PHB1: variants seen among roughly 807,000 people sequenced by gnomAD.
The protein encoded by PHB1 is prohibitin 1.
chr17:49,404,701 G>C, the PHB1 span: 3 of 446,104 alleles, frequency 6.7e-6, no homozygotes, highest in South Asian at 6.3e-5. Context: ...CTGGTGCCCA[G>C]GCCGGAACTC....
chr17:49,411,379 GGA>G, the PHB1 span, among the ~76,000 whole-genome samples: 1 of 151,860 alleles, frequency 6.6e-6, no homozygotes, highest in Non-Finnish European at 1.5e-5. Flanking sequence ...TGTATTTTTA[GGA>G]GAGATGGGGT....
At chr17:49,410,990 T>C in the PHB1 span, among the ~76,000 whole-genome samples, 2 of 152,158 alleles carry the variant, frequency 1.3e-5, no homozygotes, top group African/African-American at 2.4e-5. Context: ...CACGGCTTGC[T>C]TACAGATGTC....
chr17:49,409,865 C>T, the PHB1 span, among the ~76,000 whole-genome samples: 1 of 151,618 alleles, frequency 6.6e-6, no homozygotes, highest in East Asian at 2.0e-4. Flanking sequence ...ACCTCTCCTA[C>T]TCCAATTTGC....
the PHB1 span, chr17:49,412,829 G>T: frequency 4.9e-6 from 1 of 202,188 alleles, no homozygotes; most frequent in Non-Finnish European, 1.0e-5. Context: ...AAGCAGAGGA[G>T]AACAAATGAG....
chr17:49,406,101 T>C, the PHB1 span, among the ~76,000 whole-genome samples: 1 of 152,224 alleles, frequency 6.6e-6, no homozygotes, highest in Non-Finnish European at 1.5e-5. Flanking sequence ...CTAGACTTAT[T>C]ATAATCTCTG....
the PHB1 span, among the ~76,000 whole-genome samples, chr17:49,405,684 A>G: frequency 6.6e-6 from 1 of 152,060 alleles, no homozygotes; most frequent in Non-Finnish European, 1.5e-5. Context: ...CGGAGGCAGG[A>G]GGATCACTTG....
the PHB1 span, chr17:49,406,733 C>T: frequency 2.6e-6 from 4 of 1,530,480 alleles, no homozygotes; most frequent in African/African-American, 2.7e-5. Context: ...GAGAGAGAGG[C>T]TCCTGCCATC....
chr17:49,405,212 A>T, the PHB1 span: 1 of 1,612,660 alleles, frequency 6.2e-7, no homozygotes, highest in South Asian at 1.1e-5. Context: ...AGCCTAAAAG[A>T]ATGGAGGTGG....
chr17:49,409,491 A>G, the PHB1 span: 1 of 1,591,864 alleles, frequency 6.3e-7, no homozygotes, highest in Non-Finnish European at 8.6e-7. Flanking sequence ...TAGGGGACAA[A>G]CACTGGAGTT....
the PHB1 span, among the ~76,000 whole-genome samples, chr17:49,411,493 C>G: frequency 6.6e-6 from 1 of 152,136 alleles, no homozygotes; most frequent in Admixed American, 6.5e-5. Context: ...CCACCGCACC[C>G]AGCCATAAGT....
At chr17:49,406,863 A>G in the PHB1 span, 12 of 1,599,520 alleles carry the variant, frequency 7.5e-6, no homozygotes, top group Non-Finnish European at 1.0e-5. Context: ...GTCTAAGGGG[A>G]GAGAGTGAGC....
chr17:49,412,453 C>T, the PHB1 span, among the ~76,000 whole-genome samples: 1 of 152,176 alleles, frequency 6.6e-6, no homozygotes, highest in African/African-American at 2.4e-5. Context: ...TAATCAGCTG[C>T]CTCTCTGAAC....
chr17:49,413,370 CTTTTCA>C, the PHB1 span: 1 of 744,658 alleles, frequency 1.3e-6, no homozygotes, highest in Admixed American at 2.1e-5. Context: ...ACAACAGTCA[CTTTTCA>C]ACCTGGCTAT....
chr17:49,411,902 G>T, the PHB1 span: 2 of 1,463,394 alleles, frequency 1.4e-6, no homozygotes, highest in Non-Finnish European at 9.4e-7. Context: ...AAAGGATCAT[G>T]TCTTTGAAAG....
the PHB1 span, among the ~76,000 whole-genome samples, chr17:49,413,719 C>CA: frequency 6.6e-6 from 1 of 152,002 alleles, no homozygotes; most frequent in Non-Finnish European, 1.5e-5. Flanking sequence ...TACGTTGCCC[C>CA]AGGTGGTCTC....
chr17:49,412,923 C>T, the PHB1 span: 25 of 417,774 alleles, frequency 6.0e-5, no homozygotes, highest in Middle Eastern at 1.4e-3. Flanking sequence ...TTGACAGAAG[C>T]CACTGGACAC....
chr17:49,406,661 A>G, the PHB1 span: 1 of 838,886 alleles, frequency 1.2e-6, no homozygotes, highest in Non-Finnish European at 2.1e-6. Flanking sequence ...GGAAGAAGGG[A>G]TGACAGATGA....
the PHB1 span, chr17:49,404,900 G>A: frequency 1.2e-6 from 1 of 822,886 alleles, no homozygotes; most frequent in Non-Finnish European, 2.0e-6. Flanking sequence ...ATTTCACAGT[G>A]ATTTCTGGGG....
At chr17:49,410,265 T>A in the PHB1 span, among the ~76,000 whole-genome samples, 1 of 152,210 alleles carries the variant, frequency 6.6e-6, no homozygotes, top group Non-Finnish European at 1.5e-5. Flanking sequence ...GCATTTCTCC[T>A]GCCTCAGCCT....
Sources: allele counts gnomAD v4.1 joint callset (sites outside exome capture counted in the v4.1 genomes callset), GRCh38; gene constraint gnomAD v4.1.1; transcripts MANE v1.5; gene names NCBI Gene and HGNC (gene_info 2026-07-23, HGNC 2026-07-21).